CSGALNACT1: variants seen among roughly 807,000 people sequenced by gnomAD.
CSGALNACT1 encodes beta4GalNAcT-1.
A neutral mutation model predicts 51.0 loss-of-function variants in CSGALNACT1; 52 were observed. The ratio of observed to expected loss-of-function variants is 1.02; its 90% confidence interval spans 0.82 to 1.29. CSGALNACT1 has a LOEUF of 1.29. Ranked by LOEUF, CSGALNACT1 falls within the 50% of genes most tolerant of loss-of-function variation. CSGALNACT1 has a pLI of 0.00. For synonymous variants in CSGALNACT1, 341 were observed against 254.4 expected (o/e 1.34, Z -3.24); for missense variants, 935 against 679.2 (o/e 1.38, Z -4.19).
intron 1 of CSGALNACT1, among the ~76,000 whole-genome samples, chr8:19,730,044 C>A (rs1377782967): frequency 6.6e-6 from 1 of 152,170 alleles, no homozygotes; most frequent in Non-Finnish European, 1.5e-5. Flanking sequence ...CAGTGGAGCC[C>A]ACCAGACTAG....
At chr8:19,668,962 A>C (rs954295144) in intron 1 of CSGALNACT1, among the ~76,000 whole-genome samples, 5 of 152,254 alleles carry the variant, frequency 3.3e-5, no homozygotes, top group South Asian at 2.1e-4. Flanking sequence ...ATGAATTTCC[A>C]GTGATCAAAG....
chr8:19,704,665 T>C (rs1439139854), intron 1 of CSGALNACT1, among the ~76,000 whole-genome samples: 1 of 152,146 alleles, frequency 6.6e-6, no homozygotes, highest in East Asian at 1.9e-4. Flanking sequence ...GGAAACAATT[T>C]AAGTACCCAT....
intron 4 of CSGALNACT1, among the ~76,000 whole-genome samples, chr8:19,479,829 GAAAAAAAA>G (rs1212623661): frequency 1.5e-4 from 1 of 6,762 alleles, no homozygotes; most frequent in African/African-American, 4.3e-4. Context: ...AAAGAACTTA[GAAAAAAAA>G]AAAAAAAAAA....
At chr8:19,634,975 G>C (rs558229903) in intron 1 of CSGALNACT1, among the ~76,000 whole-genome samples, 1 of 152,206 alleles carries the variant, frequency 6.6e-6, no homozygotes, top group African/African-American at 2.4e-5. Flanking sequence ...TCTGAGTCAG[G>C]ACTCTGTCAT....
intron 3 of CSGALNACT1, among the ~76,000 whole-genome samples, chr8:19,528,011 A>G (rs1414648617): frequency 6.6e-6 from 1 of 152,154 alleles, no homozygotes; most frequent in African/African-American, 2.4e-5. Flanking sequence ...GAACTCCAAC[A>G]TCAAACAGCC....
At chr8:19,703,253 T>C (rs1355198053) in intron 1 of CSGALNACT1, among the ~76,000 whole-genome samples, 1 of 152,150 alleles carries the variant, frequency 6.6e-6, no homozygotes, top group African/African-American at 2.4e-5. Context: ...ACTTGGGATT[T>C]GAGCCACTCG....
At position 19,420,614 on chromosome 8, in the gene CSGALNACT1, C is replaced by T. The variant is rs557628992; in HGVS notation, c.954-96G>A. The T allele has an allele frequency of 2.2e-6, 3 of 1,338,770 alleles. No individual in the cohort carries two copies. In the South Asian group the frequency reaches 3.5e-5, roughly 16 times the overall value. 82.9% of individuals were successfully genotyped at this position (1,338,770 alleles called of 1,614,324 possible). A position where few individuals can be genotyped will look rare whatever the true frequency, so the allele number is the denominator to read the frequency against. On this transcript the variant is annotated intron_variant, in intron 6 of 9. Coordinates refer to ENST00000454498, the Ensembl canonical transcript of CSGALNACT1. ...ATCAGGGCCCATCCACATCTTGACC[C>T]ATTTCTTTTGTAACCTGAGGGCACT... is the stretch of plus-strand genomic sequence containing the variant.
rs1364619048 is a variant in CSGALNACT1, at chr8:19,590,882, C to G, written c.-297+278G>C. 2.6e-5 allele frequency among the ~76,000 whole-genome samples: 4 copies of G among 151,998 alleles called. No individual in the cohort carries two copies. In the East Asian group the frequency reaches 5.8e-4, roughly 22 times the overall value. ...GCCAGGCTGGTTTTGAACTCGTGAC[C>G]TCAAGTGATCTGCCCACCTTGGCCT... On this transcript the variant is annotated intron_variant, in intron 3 of 9. Coordinates refer to ENST00000454498, the Ensembl canonical transcript of CSGALNACT1.
chr8:19,605,325 A>G (rs926449595), upstream of CSGALNACT1, among the ~76,000 whole-genome samples: 23 of 152,196 alleles, frequency 1.5e-4, no homozygotes, highest in African/African-American at 5.5e-4. Context: ...AATCCCAGCT[A>G]CTCAGGAGAC....
intron 5 of CSGALNACT1, among the ~76,000 whole-genome samples, chr8:19,454,277 A>G (rs2063689534): frequency 6.6e-6 from 1 of 152,252 alleles, no homozygotes; most frequent in East Asian, 1.9e-4. Context: ...AGCTATTGGA[A>G]GAGGACTGCT....
chr8:19,468,286 T>C (rs2067192792), intron 4 of CSGALNACT1, among the ~76,000 whole-genome samples: 1 of 152,068 alleles, frequency 6.6e-6, no homozygotes, highest in Non-Finnish European at 1.5e-5. Flanking sequence ...AAAACCAGCT[T>C]GTTATGTTTG....
At chr8:19,480,313 G>T (rs1044280898) in intron 4 of CSGALNACT1, among the ~76,000 whole-genome samples, 1 of 152,094 alleles carries the variant, frequency 6.6e-6, no homozygotes, top group Non-Finnish European at 1.5e-5. Flanking sequence ...CCCTCTATGT[G>T]TCCATGTGTT....
chr8:19,753,904 G>C (rs2065197400), intron 1 of CSGALNACT1, among the ~76,000 whole-genome samples: 1 of 152,110 alleles, frequency 6.6e-6, no homozygotes, highest in African/African-American at 2.4e-5. Flanking sequence ...ATATTCTCAA[G>C]CTCGACTAAC....
intron 1 of CSGALNACT1, among the ~76,000 whole-genome samples, chr8:19,669,758 G>C (rs568585330): frequency 2.0e-5 from 3 of 152,182 alleles, no homozygotes; most frequent in Non-Finnish European, 2.9e-5. Context: ...TACAGGCATG[G>C]GCCACTGTGC....
intron 1 of CSGALNACT1, among the ~76,000 whole-genome samples, chr8:19,660,358 C>A (rs2058653535): frequency 6.6e-6 from 1 of 152,182 alleles, no homozygotes; most frequent in East Asian, 1.9e-4. Context: ...TACTTAATCC[C>A]CCTAAGCCTT....
intron 6 of CSGALNACT1, among the ~76,000 whole-genome samples, chr8:19,439,518 T>C (rs1045573218): frequency 6.6e-6 from 1 of 152,160 alleles, no homozygotes; most frequent in Non-Finnish European, 1.5e-5. Context: ...TCCCCACATC[T>C]ATAGTGCTAA....
At chr8:19,485,759 C>CTGT in intron 4 of CSGALNACT1, among the ~76,000 whole-genome samples, 1 of 38,544 alleles carries the variant, frequency 2.6e-5, no homozygotes. Flanking sequence ...CCTCAGCTTG[C>CTGT]TTTTTTTTTT....
At chr8:19,708,253 C>T (rs570521008) in intron 1 of CSGALNACT1, among the ~76,000 whole-genome samples, 4 of 152,290 alleles carry the variant, frequency 2.6e-5, no homozygotes, top group Non-Finnish European at 4.4e-5. Context: ...GTGCACAGCA[C>T]GTAGGTCTGA....
chr8:19,691,427 C>CAAACA (rs1022035310), intron 1 of CSGALNACT1, among the ~76,000 whole-genome samples: 2 of 152,144 alleles, frequency 1.3e-5, no homozygotes, highest in East Asian at 1.9e-4. Context: ...TTTCTTAAAA[C>CAAACA]AAACAAAACA....
Sources: allele counts gnomAD v4.1 joint callset (sites outside exome capture counted in the v4.1 genomes callset), GRCh38; gene constraint gnomAD v4.1.1; transcripts MANE v1.5; gene names NCBI Gene and HGNC (gene_info 2026-07-23, HGNC 2026-07-21).